The following ZNF536 variants were observed in gnomAD, a reference collection of about 807,000 sequenced individuals.
ZNF536 encodes zinc finger protein 536.
In ZNF536, 13 loss-of-function variants were observed where a neutral mutation model predicts 84.5. That is an observed-to-expected ratio of 0.15 (90% confidence interval 0.10 to 0.24). ZNF536 has a LOEUF of 0.24. Among genes scored for constraint, ZNF536 ranks in the 10% least tolerant of loss-of-function variants. The pLI is 1.00. For synonymous variants in ZNF536, 811 were observed against 742.5 expected (o/e 1.09, Z -1.50); for missense variants, 1,536 against 1,747.5 (o/e 0.88, Z 2.16).
intron 2 of ZNF536, among the ~76,000 whole-genome samples, chr19:30,447,118 G>A (rs1314286135): frequency 6.6e-6 from 1 of 152,154 alleles, no homozygotes; most frequent in Non-Finnish European, 1.5e-5. Flanking sequence ...GAGGCACCTC[G>A]AGGCACTGCC....
intron 2 of ZNF536, among the ~76,000 whole-genome samples, chr19:30,305,441 C>G (rs1190582462): frequency 6.6e-6 from 1 of 152,174 alleles, no homozygotes; most frequent in Non-Finnish European, 1.5e-5. Context: ...AAGTGCTTGG[C>G]AAATGGAGGT....
At chr19:30,232,096 A>G (rs2023097203) in intron 1 of ZNF536, among the ~76,000 whole-genome samples, 1 of 151,916 alleles carries the variant, frequency 6.6e-6, no homozygotes, top group African/African-American at 2.4e-5. Flanking sequence ...CATGGATGGA[A>G]GCCCCCTCAG....
intron 2 of ZNF536, among the ~76,000 whole-genome samples, chr19:30,503,832 G>A (rs1299082176): frequency 1.3e-5 from 2 of 151,946 alleles, no homozygotes; most frequent in Admixed American, 6.5e-5. Context: ...GGCCACCTGG[G>A]TAGTGGGATT....
intron 1 of ZNF536, among the ~76,000 whole-genome samples, chr19:30,434,590 A>G (rs188672827): frequency 2.9e-4 from 44 of 152,348 alleles, no homozygotes; most frequent in Non-Finnish European, 5.9e-4. Context: ...ACATAGCACC[A>G]ATCATCTAAG....
At chr19:30,393,799 G>C (rs565074286) in intron 1 of ZNF536, among the ~76,000 whole-genome samples, 1 of 152,352 alleles carries the variant, frequency 6.6e-6, no homozygotes. Context: ...CGACGCCACA[G>C]AGGCCTTGAT....
chr19:30,594,244 A>G (rs1001265879), intron 1 of ZNF536, among the ~76,000 whole-genome samples: 1 of 152,212 alleles, frequency 6.6e-6, no homozygotes, highest in Admixed American at 6.5e-5. Context: ...TATTTGACCC[A>G]GCATCTGTCC....
intron 1 of ZNF536, among the ~76,000 whole-genome samples, chr19:30,614,052 G>A (rs907825636): frequency 1.3e-5 from 2 of 152,074 alleles, no homozygotes; most frequent in Non-Finnish European, 2.9e-5. Context: ...TAGTAGAGAC[G>A]GGGTTTTGCC....
chr19:30,314,341 C>T (rs1217783390), intron 2 of ZNF536, among the ~76,000 whole-genome samples: 1 of 151,968 alleles, frequency 6.6e-6, no homozygotes, highest in East Asian at 1.9e-4. Context: ...GCAGGTTATG[C>T]CTTCTGGGGC....
chr19:30,660,121 C>G (rs1259151608), intron 1 of ZNF536, among the ~76,000 whole-genome samples: 1 of 152,142 alleles, frequency 6.6e-6, no homozygotes, highest in African/African-American at 2.4e-5. Flanking sequence ...TTTGCCTATT[C>G]GTGGAGAAAC....
intron 1 of ZNF536, among the ~76,000 whole-genome samples, chr19:30,702,166 G>A (rs1264787088): frequency 1.3e-5 from 2 of 152,172 alleles, no homozygotes; most frequent in Admixed American, 1.3e-4. Flanking sequence ...TAGGTGCGGC[G>A]AAAGAGCAGA....
intron 1 of ZNF536, among the ~76,000 whole-genome samples, chr19:30,236,437 A>AT (rs2144753753): frequency 7.1e-6 from 1 of 141,436 alleles, no homozygotes; most frequent in Admixed American, 7.2e-5. Context: ...CAGCCCCCCC[A>AT]CCCCACCCAT....
intron 4 of ZNF536, among the ~76,000 whole-genome samples, chr19:30,550,674 C>G (rs774501805): frequency 6.6e-6 from 1 of 152,116 alleles, no homozygotes; most frequent in African/African-American, 2.4e-5. Context: ...TATTTTTGAA[C>G]CTCAACATCC....
intron 1 of ZNF536, among the ~76,000 whole-genome samples, chr19:30,233,760 G>A (rs2023257359): frequency 6.6e-6 from 1 of 152,214 alleles, no homozygotes; most frequent in South Asian, 2.1e-4. Flanking sequence ...CTGAGGCAAT[G>A]GGAGGGGTAG....
chr19:30,551,045 G>C (rs2045759437), intron 4 of ZNF536, among the ~76,000 whole-genome samples: 3 of 151,564 alleles, frequency 2.0e-5, no homozygotes, highest in Admixed American at 1.3e-4. Context: ...AACTGGGGGA[G>C]CAATGTTGAA....
chr19:30,280,002 C>T (rs1340741828), intron 1 of ZNF536, among the ~76,000 whole-genome samples: 1 of 152,172 alleles, frequency 6.6e-6, no homozygotes, highest in Non-Finnish European at 1.5e-5. Flanking sequence ...CGGGGAAGGG[C>T]CATCCTGTGT....
chr19:30,704,821 C>T (rs189761571), intron 1 of ZNF536, among the ~76,000 whole-genome samples: 6 of 152,002 alleles, frequency 3.9e-5, no homozygotes, highest in South Asian at 2.1e-4. Flanking sequence ...GAATGTCTCG[C>T]GGTGTTGTTC....
In ZNF536 at chr19:30,433,420, C is replaced by T. The variant is rs565865465; in HGVS notation, c.-2-10141C>T. Among the ~76,000 whole-genome samples, 5 of 152,362 alleles carry T rather than the reference C, an allele frequency of 3.3e-5. No individual in the cohort carries two copies. The South Asian group carries it at 1.0e-3, about 32-fold the overall frequency. On this transcript the variant is annotated intron_variant, in intron 1 of 4. Coordinates refer to ENST00000355537, the MANE Select transcript of ZNF536 (RefSeq NM_014717.3). ...CATGTCTTGCCACATGTAGGCATTA[C>T]AAAATGTTATCAAAAGATGCCAGTC... is the stretch of plus-strand genomic sequence containing the variant.
chr19:30,596,029 G>T (rs796532135), intron 1 of ZNF536, among the ~76,000 whole-genome samples: 6 of 152,314 alleles, frequency 3.9e-5, no homozygotes, highest in African/African-American at 1.4e-4. Flanking sequence ...ATCCAAAAGG[G>T]TTTGTTCTTT....
intron 1 of ZNF536, among the ~76,000 whole-genome samples, chr19:30,401,000 A>G (rs1288800124): frequency 2.0e-5 from 3 of 152,180 alleles, no homozygotes; most frequent in African/African-American, 7.2e-5. Flanking sequence ...TTTATGCTTT[A>G]TATTTACATT....
Sources: allele counts gnomAD v4.1 joint callset (sites outside exome capture counted in the v4.1 genomes callset), GRCh38; gene constraint gnomAD v4.1.1; transcripts MANE v1.5; gene names NCBI Gene and HGNC (gene_info 2026-07-23, HGNC 2026-07-21).